The following NRXN1 variants were observed in gnomAD, a reference collection of about 807,000 sequenced individuals.
NRXN1 encodes neurexin-1.
A neutral mutation model predicts 150.9 loss-of-function variants in NRXN1; 39 were observed. The observed-to-expected ratio is 0.26, with a 90% CI of 0.20 to 0.34. NRXN1 has a LOEUF of 0.34. Ranked by LOEUF, NRXN1 falls within the 10% of genes least tolerant of loss-of-function variation. The pLI, the probability that NRXN1 is intolerant of heterozygous loss-of-function variation, is 1.00. For missense variants in NRXN1, 1,815 were observed against 1,949.9 expected, an observed-to-expected ratio of 0.93 and a Z score of 1.30; for synonymous variants, 924 against 757.0, an observed-to-expected ratio of 1.22 and a Z score of -3.62.
At chr2:50,031,089 C>G (rs1689108080) in intron 21 of NRXN1, among the ~76,000 whole-genome samples, 2 of 152,016 alleles carry the variant, frequency 1.3e-5, no homozygotes, top group African/African-American at 4.8e-5. Flanking sequence ...AGCATATATA[C>G]TAACATGTAA....
chr2:50,471,358 T>G (rs1416904393), intron 16 of NRXN1, among the ~76,000 whole-genome samples: 1 of 151,822 alleles, frequency 6.6e-6, no homozygotes, highest in Non-Finnish European at 1.5e-5. Flanking sequence ...CATGAAGCAT[T>G]TGGTTTTCCA....
chr2:49,998,432 C>G (rs1683350065), intron 21 of NRXN1, among the ~76,000 whole-genome samples: 1 of 152,006 alleles, frequency 6.6e-6, no homozygotes, highest in Non-Finnish European at 1.5e-5. Flanking sequence ...ATATAATTTC[C>G]CATAATATGT....
intron 17 of NRXN1, among the ~76,000 whole-genome samples, chr2:50,267,224 G>GA (rs1306279545): frequency 6.6e-6 from 1 of 152,166 alleles, no homozygotes; most frequent in Non-Finnish European, 1.5e-5. Flanking sequence ...TCCCATTTCT[G>GA]ACTTTGTGTC....
intron 5 of NRXN1, among the ~76,000 whole-genome samples, chr2:50,631,757 A>T (rs1297755132): frequency 6.6e-6 from 1 of 151,960 alleles, no homozygotes; most frequent in Admixed American, 6.6e-5. Context: ...CTGACTAGTC[A>T]GTTCTACATA....
intron 12 of NRXN1, among the ~76,000 whole-genome samples, chr2:50,515,776 G>A (rs1209672405): frequency 6.6e-6 from 1 of 152,076 alleles, no homozygotes; most frequent in African/African-American, 2.4e-5. Flanking sequence ...CTTGTGAGAA[G>A]CTGGAAGCAA....
chr2:50,278,103 C>A (rs1474446370), intron 17 of NRXN1, among the ~76,000 whole-genome samples: 1 of 126,382 alleles, frequency 7.9e-6, no homozygotes, highest in Admixed American at 9.0e-5. Flanking sequence ...AAGTCTCACT[C>A]TGTTACCCAG....
At chr2:50,345,233 GT>G (rs935628262) in intron 17 of NRXN1, among the ~76,000 whole-genome samples, 1 of 152,182 alleles carries the variant, frequency 6.6e-6, no homozygotes, top group African/African-American at 2.4e-5. Context: ...ACAGGGATGT[GT>G]TTTTTCTAGT....
chr2:50,105,661 T>C (rs1701537802), intron 18 of NRXN1, among the ~76,000 whole-genome samples: 1 of 152,014 alleles, frequency 6.6e-6, no homozygotes, highest in African/African-American at 2.4e-5. Context: ...GTGACTGAAA[T>C]AGGCAAGGAA....
chr2:50,307,638 C>G (rs527718860), intron 17 of NRXN1, among the ~76,000 whole-genome samples: 3 of 152,122 alleles, frequency 2.0e-5, no homozygotes, highest in East Asian at 1.9e-4. Context: ...AATTAGTGAT[C>G]AGGTCGAATA....
chr2:50,415,955 C>T (rs1052561846), intron 17 of NRXN1, among the ~76,000 whole-genome samples: 43 of 88,768 alleles, frequency 4.8e-4, no homozygotes, highest in East Asian at 8.0e-4. Context: ...CAACAACATA[C>T]AAAAAAAAAA....
At chr2:50,027,392 T>TC (rs1558723272) in intron 21 of NRXN1, among the ~76,000 whole-genome samples, 1 of 62,120 alleles carries the variant, frequency 1.6e-5, no homozygotes, top group East Asian at 5.0e-4. Context: ...CTCCCTCCCT[T>TC]CCTTCCTTCC....
Position 50,747,489 on chromosome 2 carries a change from G to A in NRXN1, c.833-123874C>T, listed in dbSNP as rs578013684. ...GTCAACCATATGTTAGACTCTTGAA[G>A]GTTCCATCTCTTTCCCTGGTTTTCT... On this transcript the variant is annotated intron_variant, in intron 5 of 22. Transcript: ENST00000401669. Among the ~76,000 whole-genome samples, 3 of 152,156 alleles carry A rather than the reference G, an allele frequency of 2.0e-5. No individual in the cohort carries two copies. In the South Asian group the frequency reaches 6.2e-4, roughly 32 times the overall value.
intron 8 of NRXN1, among the ~76,000 whole-genome samples, chr2:50,618,815 A>T (rs1679473850): frequency 6.6e-6 from 1 of 151,466 alleles, no homozygotes; most frequent in Non-Finnish European, 1.5e-5. Flanking sequence ...ATCATCCTCT[A>T]CAGAGCTTAA....
chr2:49,999,817 G>A (rs980613344), intron 21 of NRXN1, among the ~76,000 whole-genome samples: 32 of 151,982 alleles, frequency 2.1e-4, no homozygotes, highest in African/African-American at 7.5e-4. Flanking sequence ...TTTCAAGAAA[G>A]GGCCTGGAAT....
chr2:50,214,217 G>A (rs1341652699), intron 18 of NRXN1, among the ~76,000 whole-genome samples: 2 of 151,816 alleles, frequency 1.3e-5, no homozygotes, highest in African/African-American at 2.4e-5. Context: ...TTTTCATCAG[G>A]CCAGGGCAAG....
intron 19 of NRXN1, among the ~76,000 whole-genome samples, chr2:50,070,495 A>C (rs7566229): frequency 6.6e-6 from 1 of 151,774 alleles, no homozygotes; most frequent in Non-Finnish European, 1.5e-5. Context: ...AGTGGGCCAG[A>C]CACGGTGGCT....
At chr2:50,402,688 T>G (rs1337400669) in intron 17 of NRXN1, among the ~76,000 whole-genome samples, 3 of 152,128 alleles carry the variant, frequency 2.0e-5, no homozygotes, top group Non-Finnish European at 4.4e-5. Flanking sequence ...TTTTACATAG[T>G]CATCATTGGC....
intron 5 of NRXN1, among the ~76,000 whole-genome samples, chr2:50,913,735 G>A (rs1165887147): frequency 6.6e-6 from 1 of 151,734 alleles, no homozygotes; most frequent in African/African-American, 2.4e-5. Flanking sequence ...CTATCATGGG[G>A]TCGTAGGTAC....
At position 50,531,249 on chromosome 2, in the gene NRXN1, A is replaced by T; in HGVS notation, c.2325T>A (p.Arg775=). 6.2e-7 allele frequency: 1 copy of T among 1,613,262 alleles called. No individual in the cohort carries two copies. Among genetic ancestry groups the T allele is most frequent in the Non-Finnish European group, 8.5e-7 (1 of 1,179,584 alleles). Residue 775 remains arginine, a synonymous_variant, in exon 11 of 23, where the codon CGT becomes CGA. Transcript: ENST00000401669. ...TACCTAGATTGACCGTCAGTTTCAC[A>T]CGTCCTGCGTCTAGCTCCAGGCGGA... is the stretch of plus-strand genomic sequence containing the variant. ...DTLRLELDAG[R]VKLTVNLDCI...
Sources: allele counts gnomAD v4.1 joint callset (sites outside exome capture counted in the v4.1 genomes callset), GRCh38; gene constraint gnomAD v4.1.1; transcripts MANE v1.5; gene names NCBI Gene and HGNC (gene_info 2026-07-23, HGNC 2026-07-21).